The following HERC3 variants were observed in gnomAD, a reference collection of about 807,000 sequenced individuals.
The protein encoded by HERC3 is HECT and RLD domain containing E3 ubiquitin protein ligase 3.
A neutral mutation model predicts 129.9 loss-of-function variants in HERC3; 58 were observed. That is an observed-to-expected ratio of 0.45 (90% confidence interval 0.36 to 0.56). The LOEUF (loss-of-function observed/expected upper bound fraction) is 0.56. Ranked by LOEUF, HERC3 falls within the 20% of genes least tolerant of loss-of-function variation. The pLI is 0.00. For synonymous variants in HERC3, 430 were observed against 451.0 expected, an observed-to-expected ratio of 0.95 and a Z score of 0.59; for missense variants, 835 against 1,244.2, an observed-to-expected ratio of 0.67 and a Z score of 4.95.
intron 23 of HERC3, chr4:88,689,995 G>T (rs12511997): frequency 0.032 from 31,357 of 985,100 alleles, 565 homozygotes; most frequent in Middle Eastern, 0.079. Context: ...CAGCTTTGGG[G>T]AAAGTGAGCT....
At chr4:88,679,988 T>TA in intron 19 of HERC3, 105 bp from the exon 20 acceptor site, 1 of 978,134 alleles carries the variant, frequency 1.0e-6, no homozygotes, top group Non-Finnish European at 1.5e-6. Flanking sequence ...TATTCTTTGT[T>TA]ATGCTTTCCT....
At position 88,686,640 on chromosome 4, in the gene HERC3, T is replaced by C. The variant is rs576504600; in HGVS notation, c.2508-96T>C. On this transcript the variant is annotated intron_variant, in intron 21 of 25. Coordinates refer to ENST00000402738, the MANE Select transcript of HERC3 (RefSeq NM_014606.3). ...ATTCCAGAATCTTCTTTCATAGTTT[T>C]TCCTTGGAAATGGTCTGGACATGTA... The C allele has an allele frequency of 6.3e-4, 478 of 758,242 alleles. 8 individuals carry two copies. The East Asian group carries it at 0.012, about 19-fold the overall frequency. The allele number at this position is 758,242 out of a possible 1,614,324, so 47.0% of individuals were successfully genotyped here.
At chr4:88,538,920 A>C in the HERC3 span, among the ~76,000 whole-genome samples, 1 of 152,066 alleles carries the variant, frequency 6.6e-6, no homozygotes, top group Non-Finnish European at 1.5e-5. Context: ...CTGTCATTTC[A>C]TACCTCTTTA....
rs1731228552 is a variant in HERC3, at chr4:88,668,065, C to T, written c.1617C>T (p.Asn539=). The change falls in exon 14 of 26, where the codon AAC becomes AAT. Residue 539 remains asparagine (N), a synonymous_variant. Transcript: ENST00000402738. ...LAMAILRLDT[N]PSKVLDNWWS... is the part of the protein sequence containing the mutation. Reference sequence around the variant, plus strand: ...TGGCCATTCTTCGGCTGGATACAAACCCCAGCAAAGTACTAGGTGAATTTG... The same window carrying T: ...TGGCCATTCTTCGGCTGGATACAAATCCCAGCAAAGTACTAGGTGAATTTG... The T allele has an allele frequency of 6.2e-7, 1 of 1,613,362 alleles. No individual in the cohort carries two copies. Among genetic ancestry groups the T allele is most frequent in the Non-Finnish European group, 8.5e-7 (1 of 1,179,450 alleles).
chr4:88,637,382 C>T (rs543895976), intron 3 of HERC3, among the ~76,000 whole-genome samples: 23 of 152,182 alleles, frequency 1.5e-4, no homozygotes, highest in African/African-American at 4.8e-4. Context: ...GCCGAGATCG[C>T]GCCACTGCAC....
chr4:88,671,532 C>CT (rs1196007087), intron 16 of HERC3, among the ~76,000 whole-genome samples: 5 of 151,408 alleles, frequency 3.3e-5, no homozygotes, highest in Non-Finnish European at 3.0e-5. Context: ...AAACAAAATA[C>CT]TTTTTTTTTG....
At chr4:88,681,401 C>T in intron 21 of HERC3, 76 bp downstream of exon 21, 3 of 1,264,838 alleles carry the variant, frequency 2.4e-6, no homozygotes, top group Non-Finnish European at 3.4e-6. Context: ...GTTGAAAATA[C>T]CATCTGTACA....
chr4:88,648,503 GA>G (rs60469760), intron 3 of HERC3, among the ~76,000 whole-genome samples: 5,877 of 152,218 alleles, frequency 0.039, 328 homozygotes, highest in East Asian at 0.26. Context: ...TCAGAATTGT[GA>G]GGGCATCCCT....
At chr4:88,585,518 C>CTT in the HERC3 span, among the ~76,000 whole-genome samples, 20 of 122,806 alleles carry the variant, frequency 1.6e-4, no homozygotes, top group Admixed American at 4.9e-4. Context: ...TGATACTTTG[C>CTT]TTTTTTTTTT....
rs564085827 is a variant in HERC3 at position 88,636,497 on chromosome 4, A to G, written c.227-13343A>G. 2.0e-5 allele frequency among the ~76,000 whole-genome samples: 3 copies of G among 152,346 alleles called. No individual in the cohort carries two copies. In the South Asian group the frequency reaches 6.2e-4, roughly 32 times the overall value. ...ATGGGAGCACCCAGATTCATAAAACAAGTTCTTAGAGACCTACAAAGAGAG... is the reference window on the plus strand; with the variant it reads ...ATGGGAGCACCCAGATTCATAAAACGAGTTCTTAGAGACCTACAAAGAGAG... On this transcript the variant is annotated intron_variant, in intron 3 of 25. Transcript: ENST00000402738.
At chr4:88,544,283 A>C in the HERC3 span, among the ~76,000 whole-genome samples, 2 of 152,242 alleles carry the variant, frequency 1.3e-5, no homozygotes, top group African/African-American at 4.8e-5. Flanking sequence ...CACTTCTCAA[A>C]AGAAGACATT....
intron 21 of HERC3, among the ~76,000 whole-genome samples, chr4:88,684,667 A>G (rs1010921913): frequency 6.6e-6 from 1 of 152,224 alleles, no homozygotes; most frequent in Non-Finnish European, 1.5e-5. Context: ...AAAAGAAACT[A>G]TCAGCAGAGG....
At chr4:88,656,188 G>T in intron 9 of HERC3, 153 bp downstream of exon 9, 1 of 692,992 alleles carries the variant, frequency 1.4e-6, no homozygotes, top group Non-Finnish European at 2.4e-6. Flanking sequence ...TACTTACTAT[G>T]CATGAAGCTG....
At chr4:88,555,290 A>AG in the HERC3 span, among the ~76,000 whole-genome samples, 22 of 149,992 alleles carry the variant, frequency 1.5e-4, no homozygotes, top group East Asian at 4.0e-4. Flanking sequence ...TCAAAAAAAA[A>AG]AAAAAGAAAA....
intron 23 of HERC3, among the ~76,000 whole-genome samples, chr4:88,689,792 G>A (rs1005077902): frequency 2.6e-5 from 4 of 152,038 alleles, no homozygotes; most frequent in African/African-American, 9.7e-5. Flanking sequence ...TGGCCAGACT[G>A]GTCTCGAACT....
intron 3 of HERC3, among the ~76,000 whole-genome samples, chr4:88,618,016 A>G (rs72663449): frequency 0.045 from 6,884 of 152,362 alleles, 225 homozygotes; most frequent in Admixed American, 0.066. Flanking sequence ...ACGAGCTGGA[A>G]GCGAGGATGT....
chr4:88,607,022 G>T (rs1201116558), intron 3 of HERC3, among the ~76,000 whole-genome samples: 1 of 152,196 alleles, frequency 6.6e-6, no homozygotes, highest in African/African-American at 2.4e-5. Context: ...GTTATGAGTG[G>T]AGGGATGAAT....
At chr4:88,582,404 A>G in the HERC3 span, among the ~76,000 whole-genome samples, 1 of 152,138 alleles carries the variant, frequency 6.6e-6, no homozygotes, top group Non-Finnish European at 1.5e-5. Context: ...GAGTGCTTCG[A>G]ACAAAAGAGA....
intron 3 of HERC3, among the ~76,000 whole-genome samples, chr4:88,608,263 G>A (rs902080999): frequency 6.6e-6 from 1 of 152,192 alleles, no homozygotes; most frequent in African/African-American, 2.4e-5. Flanking sequence ...TGGTTGATGA[G>A]CTTCCAATTC....
Sources: gnomAD v4.1 joint callset for allele counts (sites outside exome capture counted in the v4.1 genomes callset) on GRCh38, gnomAD v4.1.1 for gene constraint, MANE v1.5 for transcripts, NCBI Gene and HGNC (gene_info 2026-07-23, HGNC 2026-07-21) for gene names.